OR2L2: variants seen among roughly 807,000 people sequenced by gnomAD.
OR2L2 encodes the protein olfactory receptor 2L2.
For synonymous variants in OR2L2, 156 were observed against 135.4 expected, an observed-to-expected ratio of 1.15 and a Z score of -1.06; for missense variants, 378 against 375.2, an observed-to-expected ratio of 1.01 and a Z score of -0.06.
intron 2 of OR2L2, among the ~76,000 whole-genome samples, chr1:248,037,292 A>G (rs1227271491): frequency 6.6e-6 from 1 of 152,192 alleles, no homozygotes; most frequent in Non-Finnish European, 1.5e-5. Context: ...CCTCCAAATG[A>G]ATCATAGGCT....
At chr1:248,035,140 C>T (rs914573274) in intron 1 of OR2L2, among the ~76,000 whole-genome samples, 2 of 151,120 alleles carry the variant, frequency 1.3e-5, no homozygotes, top group African/African-American at 4.9e-5. Context: ...TGTCTTTCTC[C>T]AAATCTTAGA....
Position 248,039,123 on chromosome 1 carries a change from C to T in OR2L2, c.856C>T (p.Pro286Ser), listed in dbSNP as rs745348530. 2.5e-6 allele frequency: 4 copies of T among 1,614,092 alleles called. No individual in the cohort carries two copies. The South Asian group carries it at 4.4e-5, about 18-fold the overall frequency. ...CACCATCCTCACCCCAATGCTCAAC[C>T]CCATCATCTACAGCCTGAGAAACAA... The part of the protein sequence containing the change: ...FYTILTPMLN[P>S]IIYSLRNKEV... The change falls in exon 3 of 3, where the codon CCC (proline) becomes TCC (serine). Residue 286 changes from proline to serine, a missense_variant. Physicochemically the swap from Pro to Ser is moderately conservative, Grantham distance 74. Transcript: ENST00000641771.
chr1:248,038,130 T>C (rs1407413032), intron 2 of OR2L2, 117 bp from the exon 3 acceptor site: 1 of 607,852 alleles, frequency 1.6e-6, no homozygotes, highest in Admixed American at 3.2e-5. Flanking sequence ...ATAAAAATAG[T>C]TTATATAGGG....
intron 1 of OR2L2, among the ~76,000 whole-genome samples, chr1:248,030,744 C>T (rs745995129): frequency 6.6e-6 from 1 of 151,972 alleles, no homozygotes; most frequent in Non-Finnish European, 1.5e-5. Flanking sequence ...TCTAAGATGT[C>T]GGTGGTGATG....
At chr1:248,036,146 T>C (rs72763248) in intron 2 of OR2L2, among the ~76,000 whole-genome samples, 9,644 of 152,246 alleles carry the variant, frequency 0.063, 355 homozygotes, top group East Asian at 0.16. Context: ...GTATTGAGTT[T>C]ATTATTATTT....
At chr1:248,031,569 T>C (rs1315793952) in intron 1 of OR2L2, among the ~76,000 whole-genome samples, 1 of 152,170 alleles carries the variant, frequency 6.6e-6, no homozygotes, top group African/African-American at 2.4e-5. Context: ...TTGCTTCTGA[T>C]GTATTTTCTA....
At chr1:248,034,671 CA>C (rs1442798253) in intron 1 of OR2L2, among the ~76,000 whole-genome samples, 1 of 152,078 alleles carries the variant, frequency 6.6e-6, no homozygotes, top group East Asian at 1.9e-4. Flanking sequence ...TGTCATTTTT[CA>C]ATATATAAGC....
rs755825110 is a variant in OR2L2, at chr1:248,040,675, A to T, written c.*1469A>T. On this transcript the variant is annotated 3_prime_UTR_variant, in exon 3 of 3. Coordinates refer to ENST00000641771, the MANE Select transcript of OR2L2 (RefSeq NM_001385855.1). The stretch of plus-strand genomic sequence containing the variant: ...ACTGTAAGAGTAGAGTATATAAGAC[A>T]TATAAGATACAAAGTTGTGTTAATT... 2.6e-5 allele frequency: 4 copies of T among 152,222 alleles called. No individual in the cohort carries two copies. Among genetic ancestry groups the T allele is most frequent in the Non-Finnish European group, 5.9e-5 (4 of 68,030 alleles). The allele number at this position is 152,222 out of a possible 1,614,324, so 9.4% of individuals were successfully genotyped here.
Position 248,038,800 on chromosome 1 carries a change from G to C in OR2L2, c.533G>C (p.Cys178Ser). The C allele has an allele frequency of 6.2e-7, 1 of 1,614,098 alleles. No homozygotes were observed. Among genetic ancestry groups the C allele is most frequent in the Non-Finnish European group, 8.5e-7 (1 of 1,180,014 alleles). ...CKSRAINHFF[C>S]DVPAMLTLAC... ...TCCAGAGCCATCAATCATTTTTTCT[G>C]TGATGTTCCAGCTATGTTGACGCTA... The change falls in exon 3 of 3, where the codon TGT becomes TCT. Residue 178 changes from cysteine (C) to serine (S), a missense_variant. Physicochemically the swap from Cys to Ser is moderately radical, Grantham distance 112. Transcript: ENST00000641771.
In OR2L2 at chr1:248,041,403, A is replaced by G. The variant is rs1279360110; in HGVS notation, c.*2197A>G. The G allele has an allele frequency of 1.3e-5, 2 of 152,148 alleles. No individual in the cohort carries two copies. The highest frequency in any genetic ancestry group is 2.4e-5 in the African/African-American group (1 of 41,440). 9.4% of individuals were successfully genotyped at this position (152,148 alleles called of 1,614,324 possible). ...AAACGTTAGACCTAAAACCATAAAAACCCTAGAAGAAAACCTAGGCTTTAC... is the reference window on the plus strand; with the variant it reads ...AAACGTTAGACCTAAAACCATAAAAGCCCTAGAAGAAAACCTAGGCTTTAC... On this transcript the variant is annotated 3_prime_UTR_variant, in exon 3 of 3. Transcript: ENST00000641771.
rs935034351 is a variant in OR2L2, at chr1:248,042,292, G to T, written c.*3086G>T. The T allele has an allele frequency of 6.8e-6, 1 of 147,542 alleles. No individual in the cohort carries two copies. Among genetic ancestry groups the T allele is most frequent in the African/African-American group, 2.5e-5 (1 of 39,712 alleles). The allele number at this position is 147,542 out of a possible 1,614,324, so 9.1% of individuals were successfully genotyped here. On this transcript the variant is annotated 3_prime_UTR_variant, in exon 3 of 3. Coordinates refer to ENST00000641771, the MANE Select transcript of OR2L2 (RefSeq NM_001385855.1). ...ACACCGCATATTCTCACTCATAGGT[G>T]GGAATTGAACAATGAGAACACATGG...
At chr1:248,034,574 TC>T (rs1263827763) in intron 1 of OR2L2, among the ~76,000 whole-genome samples, 1 of 152,228 alleles carries the variant, frequency 6.6e-6, no homozygotes, top group African/African-American at 2.4e-5. Context: ...ATTCTTGACA[TC>T]TTAACAGTGT....
At chr1:248,035,378 G>A (rs1314756365) in intron 1 of OR2L2, among the ~76,000 whole-genome samples, 172 bp from the exon 2 acceptor site, 1 of 152,060 alleles carries the variant, frequency 6.6e-6, no homozygotes, top group Admixed American at 6.6e-5. Context: ...GAACCTGGGA[G>A]GCGGAGCTTG....
intron 1 of OR2L2, among the ~76,000 whole-genome samples, chr1:248,030,887 C>T (rs1662601043): frequency 6.6e-6 from 1 of 152,144 alleles, no homozygotes; most frequent in African/African-American, 2.4e-5. Context: ...TGTAGGACAT[C>T]ACTGGGGTTG....
chr1:248,036,901 C>G (rs1329685156), intron 2 of OR2L2, among the ~76,000 whole-genome samples: 1 of 152,046 alleles, frequency 6.6e-6, no homozygotes, highest in African/African-American at 2.4e-5. Context: ...TACTTATGAT[C>G]CCTTCATATG....
At chr1:248,038,058 T>C (rs1440201737) in intron 2 of OR2L2, 189 bp from the exon 3 acceptor site, 8 of 449,728 alleles carry the variant, frequency 1.8e-5, no homozygotes, top group African/African-American at 1.2e-4. Context: ...TTTGTAGTTA[T>C]TTTTGTTAAT....
chr1:248,037,970 T>C (rs1290009976), intron 2 of OR2L2, among the ~76,000 whole-genome samples: 1 of 152,218 alleles, frequency 6.6e-6, no homozygotes, highest in Admixed American at 6.5e-5. Flanking sequence ...TTCAATATGA[T>C]GGTTTGAAAG....
At chr1:248,033,878 C>T (rs1460593583) in intron 1 of OR2L2, among the ~76,000 whole-genome samples, 2 of 152,104 alleles carry the variant, frequency 1.3e-5, no homozygotes, top group East Asian at 1.9e-4. Context: ...AAGTCCTAGC[C>T]ACAGCAGTCA....
Position 248,040,861 on chromosome 1 carries a change from T to C in OR2L2, c.*1655T>C, listed in dbSNP as rs2103099633. 6.6e-6 allele frequency: 1 copy of C among 152,288 alleles called. No individual in the cohort carries two copies. The highest frequency in any genetic ancestry group is 2.1e-4 in the South Asian group (1 of 4,826). The allele number at this position is 152,288 out of a possible 1,614,324, so 9.4% of individuals were successfully genotyped here. A position where few individuals can be genotyped will look rare whatever the true frequency, so the allele number is the denominator to read the frequency against. On this transcript the variant is annotated 3_prime_UTR_variant, in exon 3 of 3. Transcript: ENST00000641771. Reference sequence around the variant, plus strand: ...TCTGTACTACAATTGGAATAATCATTTTCAAACAAGAACATTAACATTTGA... The same window carrying C: ...TCTGTACTACAATTGGAATAATCATCTTCAAACAAGAACATTAACATTTGA...
Sources: allele counts gnomAD v4.1 joint callset (sites outside exome capture counted in the v4.1 genomes callset), GRCh38; gene constraint gnomAD v4.1.1; transcripts MANE v1.5; gene names NCBI Gene and HGNC (gene_info 2026-07-23, HGNC 2026-07-21).